Variants in WWOX observed in about 807,000 individuals in gnomAD.
WWOX encodes the protein WW domain-containing oxidoreductase.
Under a neutral mutation model 46.2 loss-of-function variants are expected in WWOX, and 69 were observed. The observed-to-expected ratio is 1.49, with a 90% CI of 1.23 to 1.82. The LOEUF is 1.82. Ranked by LOEUF, WWOX falls within the 40% of genes most tolerant of loss-of-function variation. The pLI, the probability that WWOX is intolerant of heterozygous loss-of-function variation, is 0.00. For synonymous variants in WWOX, 359 were observed against 202.6 expected, an observed-to-expected ratio of 1.77 and a Z score of -6.56; for missense variants, 919 against 542.6, an observed-to-expected ratio of 1.69 and a Z score of -6.89.
intron 8 of WWOX, among the ~76,000 whole-genome samples, chr16:78,992,596 G>A (rs1334022650): frequency 1.3e-5 from 2 of 152,190 alleles, no homozygotes; most frequent in Non-Finnish European, 2.9e-5. Context: ...CAGAATGAAA[G>A]GTTTGATTCG....
At chr16:79,169,786 C>G (rs899857080) in intron 8 of WWOX, among the ~76,000 whole-genome samples, 3 of 152,184 alleles carry the variant, frequency 2.0e-5, no homozygotes, top group Admixed American at 6.5e-5. Flanking sequence ...TAGGGACTAC[C>G]CTTTTCCTCC....
chr16:79,200,878 G>C (rs993916321), intron 8 of WWOX, among the ~76,000 whole-genome samples: 1 of 152,144 alleles, frequency 6.6e-6, no homozygotes, highest in Non-Finnish European at 1.5e-5. Context: ...AAAAAATGGA[G>C]GTGCAGGCTT....
intron 5 of WWOX, among the ~76,000 whole-genome samples, chr16:78,367,296 A>G (rs533358577): frequency 7.2e-5 from 11 of 152,292 alleles, no homozygotes; most frequent in African/African-American, 2.6e-4. Flanking sequence ...TATAATTTTA[A>G]TGGTCTAAAT....
At chr16:79,097,699 G>T (rs1393082374) in intron 8 of WWOX, among the ~76,000 whole-genome samples, 1 of 152,148 alleles carries the variant, frequency 6.6e-6, no homozygotes, top group East Asian at 1.9e-4. Flanking sequence ...GTTTCCAAAA[G>T]ATCTTTGGAG....
At chr16:78,966,331 C>T (rs1297862183) in intron 8 of WWOX, among the ~76,000 whole-genome samples, 1 of 152,128 alleles carries the variant, frequency 6.6e-6, no homozygotes, top group Non-Finnish European at 1.5e-5. Context: ...AACAGTGCTT[C>T]TTTCCGTTTA....
intron 8 of WWOX, among the ~76,000 whole-genome samples, chr16:78,738,630 G>A (rs920752826): frequency 5.9e-5 from 9 of 152,062 alleles, no homozygotes; most frequent in African/African-American, 1.9e-4. Context: ...TTTTTGTTAC[G>A]CTTGTGGTTT....
At chr16:79,148,507 A>G (rs1313832775) in intron 8 of WWOX, among the ~76,000 whole-genome samples, 1 of 152,068 alleles carries the variant, frequency 6.6e-6, no homozygotes, top group African/African-American at 2.4e-5. Context: ...GATTCTTCTC[A>G]CTGTATTCTT....
Position 78,653,137 on chromosome 16 carries a change from T to C in WWOX, c.1056+220385T>C, listed in dbSNP as rs182684444. The stretch of plus-strand genomic sequence containing the variant: ...TTTTCAACAAATTGGGCTCGTAATA[T>C]ATAGGCACATAGATATATAATTAAA... On this transcript the variant is annotated intron_variant, in intron 8 of 8. Coordinates refer to ENST00000566780, the MANE Select transcript of WWOX (RefSeq NM_016373.4). 1.5e-4 allele frequency among the ~76,000 whole-genome samples: 23 copies of C among 152,236 alleles called. No individual in the cohort carries two copies. In the East Asian group the frequency reaches 4.1e-3, roughly 27 times the overall value.
intron 8 of WWOX, among the ~76,000 whole-genome samples, chr16:78,943,993 A>G (rs767752086): frequency 2.0e-5 from 3 of 152,200 alleles, no homozygotes. Context: ...CAGATATTTT[A>G]GAAGCTCATC....
chr16:78,222,390 G>C (rs2036917734), intron 5 of WWOX, among the ~76,000 whole-genome samples: 1 of 149,966 alleles, frequency 6.7e-6, no homozygotes, highest in African/African-American at 2.5e-5. Context: ...AGTGGCAACA[G>C]AACTTGGGAC....
intron 8 of WWOX, among the ~76,000 whole-genome samples, chr16:78,612,391 G>GC (rs2045922626): frequency 6.6e-6 from 1 of 152,222 alleles, no homozygotes; most frequent in African/African-American, 2.4e-5. Context: ...ACGGCAGGCA[G>GC]CGTGGCGTAG....
At chr16:78,299,253 C>T (rs773314336) in intron 5 of WWOX, among the ~76,000 whole-genome samples, 97 of 152,226 alleles carry the variant, frequency 6.4e-4, no homozygotes, top group Non-Finnish European at 1.1e-3. Context: ...TCACCTGGCA[C>T]CTTTTTATTC....
At position 78,338,559 on chromosome 16, in the gene WWOX, A is replaced by G. The variant is rs1380142004; in HGVS notation, c.517-48301A>G. On this transcript the variant is annotated intron_variant, in intron 5 of 8. Transcript: ENST00000566780. The stretch of plus-strand genomic sequence containing the variant: ...TCCACAAGTAACCAGAGAATTGTTC[A>G]AGGCAGAGAATTATTTTTTCAATGC... 1.7e-5 allele frequency among the ~76,000 whole-genome samples: 2 copies of G among 121,088 alleles called. 1 individual carries two copies. The highest frequency in any genetic ancestry group is 3.9e-5 in the Non-Finnish European group (2 of 50,764). 79.4% of individuals were successfully genotyped at this position (121,088 alleles called of 152,430 possible).
chr16:79,175,796 T>C (rs991504974), intron 8 of WWOX, among the ~76,000 whole-genome samples: 1 of 152,136 alleles, frequency 6.6e-6, no homozygotes, highest in Admixed American at 6.5e-5. Context: ...CTCTGTTTGG[T>C]CCCAATGTGC....
intron 8 of WWOX, among the ~76,000 whole-genome samples, chr16:78,697,774 A>G (rs1330366592): frequency 6.6e-6 from 1 of 152,126 alleles, no homozygotes; most frequent in Non-Finnish European, 1.5e-5. Context: ...ATCTTATGGT[A>G]TTTTCAACTC....
rs544989940 is a variant in WWOX, at chr16:78,820,182, C to T, written c.1056+387430C>T. ...GCTTGCTGGAGACATAGGAGAAGCC[C>T]CCAGCCACTGACATCTGGGTGTTGT... On this transcript the variant is annotated intron_variant, in intron 8 of 8. Coordinates refer to ENST00000566780, the MANE Select transcript of WWOX (RefSeq NM_016373.4). 6.6e-5 allele frequency among the ~76,000 whole-genome samples: 10 copies of T among 152,174 alleles called. No individual in the cohort carries two copies. In the South Asian group the frequency reaches 2.1e-3, roughly 32 times the overall value.
At chr16:78,907,248 G>T (rs762681486) in intron 8 of WWOX, among the ~76,000 whole-genome samples, 3 of 152,188 alleles carry the variant, frequency 2.0e-5, no homozygotes, top group Non-Finnish European at 4.4e-5. Context: ...GCAGGGCACA[G>T]GACCAGTTGA....
At chr16:79,035,274 C>G (rs1032365172) in intron 8 of WWOX, among the ~76,000 whole-genome samples, 3 of 152,198 alleles carry the variant, frequency 2.0e-5, no homozygotes, top group Non-Finnish European at 2.9e-5. Flanking sequence ...GGCTCTACTC[C>G]TGGAAACCCA....
At chr16:78,619,371 A>AAG (rs1301666244) in intron 8 of WWOX, among the ~76,000 whole-genome samples, 1 of 141,040 alleles carries the variant, frequency 7.1e-6, no homozygotes, top group Non-Finnish European at 1.5e-5. Flanking sequence ...CAAAAAAAAA[A>AAG]AAAAAAAGTG....
Sources: allele counts gnomAD v4.1 joint callset (sites outside exome capture counted in the v4.1 genomes callset), GRCh38; gene constraint gnomAD v4.1.1; transcripts MANE v1.5; gene names NCBI Gene and HGNC (gene_info 2026-07-23, HGNC 2026-07-21).